RPRD1B: variants seen among roughly 807,000 people sequenced by gnomAD.
RPRD1B encodes the protein regulation of nuclear pre-mRNA domain containing 1B, also known as regulation of nuclear pre-mRNA domain-containing protein 1B.
RPRD1B carries 11 observed loss-of-function variants against 41.5 expected under a neutral mutation model. That is an observed-to-expected ratio of 0.27 (90% CI 0.17 to 0.44). The LOEUF (loss-of-function observed/expected upper bound fraction) is 0.44. Among genes scored for constraint, RPRD1B ranks in the 20% least tolerant of loss-of-function variants. The pLI is 1.00. For synonymous variants in RPRD1B, 158 were observed against 155.6 expected (o/e 1.02, Z -0.12); for missense variants, 248 against 389.9 (o/e 0.64, Z 3.06).
At chr20:38,036,853 T>C (rs1333034491) in intron 1 of RPRD1B, among the ~76,000 whole-genome samples, 1 of 152,198 alleles carries the variant, frequency 6.6e-6, no homozygotes, top group East Asian at 1.9e-4. Context: ...AAATTTAGTT[T>C]CCAGTTTTTA....
At chr20:38,086,852 G>C (rs1170523835) in intron 6 of RPRD1B, among the ~76,000 whole-genome samples, 2 of 152,190 alleles carry the variant, frequency 1.3e-5, no homozygotes, top group African/African-American at 2.4e-5. Flanking sequence ...CTTCGGTAAT[G>C]TCCAGAATAT....
chr20:38,083,951 T>C (rs1274848073), intron 6 of RPRD1B: 2 of 152,182 alleles, frequency 1.3e-5, no homozygotes, highest in Non-Finnish European at 2.9e-5. Context: ...TGGTTTTTTT[T>C]TCCCACATGG....
chr20:38,040,670 T>G, intron 2 of RPRD1B, 106 bp downstream of exon 2: 1 of 1,269,010 alleles, frequency 7.9e-7, no homozygotes, highest in Admixed American at 2.5e-5. Context: ...CTTCCTACTT[T>G]ACAGAGAGTT....
chr20:38,044,474 T>C (rs921908609), intron 2 of RPRD1B, among the ~76,000 whole-genome samples: 3 of 151,332 alleles, frequency 2.0e-5, no homozygotes, highest in South Asian at 2.1e-4. Flanking sequence ...CTCGGGTTCA[T>C]GCCATTCTCC....
At chr20:38,070,683 A>G (rs2074403273) in intron 6 of RPRD1B, 1 of 985,110 alleles carries the variant, frequency 1.0e-6, no homozygotes, top group Non-Finnish European at 1.2e-6. Flanking sequence ...TATTTGTACA[A>G]GTATTAAGGA....
At chr20:38,063,806 A>G (rs1273897126) in intron 5 of RPRD1B, among the ~76,000 whole-genome samples, 1 of 152,198 alleles carries the variant, frequency 6.6e-6, no homozygotes, top group Non-Finnish European at 1.5e-5. Flanking sequence ...GAGCGTGAGG[A>G]CAGCGTGGGT....
intron 2 of RPRD1B, among the ~76,000 whole-genome samples, chr20:38,044,143 C>T (rs1021346817): frequency 6.6e-6 from 1 of 152,146 alleles, no homozygotes; most frequent in Non-Finnish European, 1.5e-5. Context: ...GGGTGATGTG[C>T]ATGCAGTACC....
Position 38,066,232 on chromosome 20 carries a change from G to A in RPRD1B, c.807G>A (p.Leu269=), listed in dbSNP as rs1481311468. 10 of 1,614,036 alleles carry A rather than the reference G, an allele frequency of 6.2e-6. 1 individual carries two copies. The highest frequency in any genetic ancestry group is 1.1e-5 in the South Asian group (1 of 91,084). Residue 269 remains leucine (L), a synonymous_variant, in exon 6 of 7, where the codon TTG becomes TTA. Transcript: ENST00000373433. Reference sequence around the variant, plus strand: ...ATACCCAGAATCAGAAAGATGTTTTGTCGGAGAAGGAGAAAAAACTAGAGG... The same window carrying A: ...ATACCCAGAATCAGAAAGATGTTTTATCGGAGAAGGAGAAAAAACTAGAGG... The part of the protein sequence containing the change: ...VEYTQNQKDV[L]SEKEKKLEEY...
chr20:38,058,083 CAAG>C (rs1250713226), intron 4 of RPRD1B, among the ~76,000 whole-genome samples: 2 of 152,028 alleles, frequency 1.3e-5, no homozygotes, highest in African/African-American at 2.4e-5. Context: ...AATATTGAAA[CAAG>C]GAGTTAGTCT....
chr20:38,062,319 T>TCTCA (rs2074306145), intron 5 of RPRD1B, among the ~76,000 whole-genome samples: 1 of 152,212 alleles, frequency 6.6e-6, no homozygotes, highest in Non-Finnish European at 1.5e-5. Context: ...TGGCAGCCAT[T>TCTCA]CTCACCCAAT....
chr20:38,078,066 G>A (rs1355448795), intron 6 of RPRD1B, among the ~76,000 whole-genome samples: 2 of 151,910 alleles, frequency 1.3e-5, no homozygotes, highest in Non-Finnish European at 2.9e-5. Flanking sequence ...TACTGGGGAA[G>A]CTGAGGCAGG....
intron 5 of RPRD1B, among the ~76,000 whole-genome samples, chr20:38,061,821 C>G (rs553957063): frequency 6.6e-6 from 1 of 152,172 alleles, no homozygotes; most frequent in Admixed American, 6.5e-5. Context: ...CCTGAAAATA[C>G]TTTCTTCACT....
intron 3 of RPRD1B, chr20:38,049,634 C>T (rs933836143): frequency 4.5e-6 from 2 of 442,850 alleles, no homozygotes; most frequent in African/African-American, 2.0e-5. Context: ...TCCCAAAGTG[C>T]TGATATTATA....
Position 38,092,207 on chromosome 20 carries a change from T to TTTTG in RPRD1B, c.*2344_*2347dup. The TTTTG allele has an allele frequency of 2.0e-6, 2 of 985,634 alleles. No individual in the cohort carries two copies. The highest frequency in any genetic ancestry group is 4.7e-5 in the South Asian group (1 of 21,280). The allele number at this position is 985,634 out of a possible 1,614,324, so 61.1% of individuals were successfully genotyped here. A position where few individuals can be genotyped will look rare whatever the true frequency, so the allele number is the denominator to read the frequency against. ...CAGAAAGTCTTCAATCTTCCCTTGT[T>TTTTG]TTTGTTTGTTTGTTTTTCTTAAAGA... On this transcript the variant is annotated 3_prime_UTR_variant, in exon 7 of 7. Coordinates refer to ENST00000373433, the MANE Select transcript of RPRD1B (RefSeq NM_021215.4).
chr20:38,056,767 C>T (rs2074246148), intron 3 of RPRD1B, among the ~76,000 whole-genome samples: 1 of 152,334 alleles, frequency 6.6e-6, no homozygotes, highest in African/African-American at 2.4e-5. Flanking sequence ...CAGGCACAGG[C>T]TGTGTCCAAT....
intron 2 of RPRD1B, among the ~76,000 whole-genome samples, chr20:38,047,271 T>C (rs1208647328): frequency 6.6e-6 from 1 of 152,218 alleles, no homozygotes; most frequent in Non-Finnish European, 1.5e-5. Context: ...TTGAGTCCTT[T>C]AGTCAGTGAA....
chr20:38,041,533 T>C, intron 2 of RPRD1B, among the ~76,000 whole-genome samples: 1 of 152,296 alleles, frequency 6.6e-6, no homozygotes, highest in East Asian at 1.9e-4. Flanking sequence ...TTGATCAACA[T>C]GGGCGCAAGT....
intron 6 of RPRD1B, among the ~76,000 whole-genome samples, chr20:38,068,393 A>G (rs2074379274): frequency 6.6e-6 from 1 of 152,142 alleles, no homozygotes; most frequent in South Asian, 2.1e-4. Flanking sequence ...GACTAGATAC[A>G]GTATAAGGTT....
chr20:38,089,433 A>G (rs2074592759), intron 6 of RPRD1B, among the ~76,000 whole-genome samples: 1 of 152,180 alleles, frequency 6.6e-6, no homozygotes. Flanking sequence ...AGAACCAACA[A>G]AAAGAGAATG....
Sources: allele counts gnomAD v4.1 joint callset (sites outside exome capture counted in the v4.1 genomes callset), GRCh38; gene constraint gnomAD v4.1.1; transcripts MANE v1.5; gene names NCBI Gene and HGNC (gene_info 2026-07-23, HGNC 2026-07-21).